FAM193B: variants seen among roughly 807,000 people sequenced by gnomAD.
FAM193B encodes family with sequence similarity 193 member B.
Under a neutral mutation model 70.7 loss-of-function variants are expected in FAM193B, and 27 were observed. The observed-to-expected ratio is 0.38, with a 90% confidence interval of 0.28 to 0.53. The LOEUF is 0.53. Among genes scored for constraint, FAM193B ranks in the 20% least tolerant of loss-of-function variants. The pLI is 0.81. For synonymous variants in FAM193B, 448 were observed against 436.0 expected (o/e 1.03, Z -0.34); for missense variants, 1,022 against 1,072.5 (o/e 0.95, Z 0.66).
intron 1 of FAM193B, among the ~76,000 whole-genome samples, chr5:177,542,171 A>C (rs1029858362): frequency 1.3e-5 from 2 of 152,260 alleles, no homozygotes; most frequent in African/African-American, 4.8e-5. Flanking sequence ...CTTATAAATT[A>C]AGTGTGTAAT....
chr5:177,540,820 G>A (rs1764763335), intron 1 of FAM193B, among the ~76,000 whole-genome samples: 1 of 152,114 alleles, frequency 6.6e-6, no homozygotes, highest in Admixed American at 6.5e-5. Flanking sequence ...CCAACACTGG[G>A]TAACATGTGT....
chr5:177,522,191 G>A, intron 7 of FAM193B, 120 bp from the exon 8 acceptor site: 1 of 751,636 alleles, frequency 1.3e-6, no homozygotes, highest in Admixed American at 2.2e-5. Flanking sequence ...AACCTCTTTG[G>A]CTCTCAGGTG....
chr5:177,532,485 C>T lies in FAM193B; in HGVS notation c.1233G>A (p.Lys411=). Residue 411 remains lysine (K), a synonymous_variant, in exon 5 of 9, where the codon AAG becomes AAA. Coordinates refer to ENST00000514747, the MANE Select transcript of FAM193B (RefSeq NM_001190946.3). The surrounding 1 kb of genome is among the most constrained non-coding windows in gnomAD (Gnocchi z 4.9). ...TSSSTHQRDG[K]FCDCCYCEFF... ...ACTCACAGTAGCAGCAGTCACAGAA[C>T]TTCCCATCTCTCTGGTGGGTGGAGG... is the stretch of plus-strand genomic sequence containing the variant. The T allele has an allele frequency of 2.5e-6, 4 of 1,612,064 alleles. 1 individual carries two copies. Among genetic ancestry groups the T allele is most frequent in the South Asian group, 2.2e-5 (2 of 90,374 alleles).
In FAM193B at chr5:177,538,840, A is replaced by G; in HGVS notation, c.453+65T>C. 6.3e-7 allele frequency: 1 copy of G among 1,591,948 alleles called. No individual in the cohort carries two copies. The highest frequency in any genetic ancestry group is 8.6e-7 in the Non-Finnish European group (1 of 1,166,452). On this transcript the variant is annotated intron_variant, in intron 2 of 8. Transcript: ENST00000514747. The surrounding 1 kb of genome is among the most constrained non-coding windows in gnomAD (Gnocchi z 4.1). ...CAAGGAGAGCCACCTGAGGACAGGG[A>G]ACAGCCTGACTTCCTTGGGGAGGAG...
At chr5:177,541,459 C>T (rs1764846078) in intron 1 of FAM193B, among the ~76,000 whole-genome samples, 1 of 152,152 alleles carries the variant, frequency 6.6e-6, no homozygotes, top group Admixed American at 6.5e-5. Flanking sequence ...CGCTCTGTCG[C>T]CCAGGCTGGA....
intron 1 of FAM193B, among the ~76,000 whole-genome samples, chr5:177,550,310 C>T (rs1766034856): frequency 6.6e-6 from 1 of 152,182 alleles, no homozygotes; most frequent in Non-Finnish European, 1.5e-5. Context: ...GGAAGTAGTG[C>T]AGGCTGGGTA....
chr5:177,526,159 G>A (rs954667430), intron 5 of FAM193B, among the ~76,000 whole-genome samples: 44 of 152,192 alleles, frequency 2.9e-4, no homozygotes, highest in African/African-American at 9.4e-4. Flanking sequence ...GTGACCCTGC[G>A]TCCCAGCAGG....
rs1414165780 is a variant in FAM193B at position 177,532,606 on chromosome 5, C to G, written c.1112G>C (p.Ser371Thr). 1 of 1,589,076 alleles carries G rather than the reference C, an allele frequency of 6.3e-7. No individual in the cohort carries two copies. The highest frequency in any genetic ancestry group is 8.5e-7 in the Non-Finnish European group (1 of 1,172,198). The stretch of plus-strand genomic sequence containing the variant: ...CTGGGGCAGCTGGCAAGCCAGGCCA[C>G]TGTGTGCAAACTTGTGCCCCTTGCA... ...PGCKGHKFAH[S>T]GLACQLPQPC... The change falls in exon 5 of 9, where the codon AGT (serine) becomes ACT (threonine). Residue 371 changes from serine to threonine, a missense_variant. Ser to Thr is a moderately conservative substitution (Grantham distance 58). Transcript: ENST00000514747. The surrounding 1 kb of genome is among the most constrained non-coding windows in gnomAD (Gnocchi z 4.9).
At position 177,536,470 on chromosome 5, in the gene FAM193B, T is replaced by C. The variant is rs1365132144; in HGVS notation, c.964A>G (p.Met322Val). 1 of 1,583,344 alleles carries C rather than the reference T, an allele frequency of 6.3e-7. No individual in the cohort carries two copies. The highest frequency in any genetic ancestry group is 2.0e-5 in the Admixed American group (1 of 51,194). Reference sequence around the variant, plus strand: ...CTGCACCCCGAGAATGGTGGGGGCATCTTCAGGAGCGGCATGCTGGTGGAG... The same window carrying C: ...CTGCACCCCGAGAATGGTGGGGGCACCTTCAGGAGCGGCATGCTGGTGGAG... ...LPSTSMPLLK[M>V]PPPFSGCSHP... Residue 322 changes from methionine (M) to valine (V), a missense_variant, in exon 4 of 9, where the codon ATG (methionine) becomes GTG (valine). Met to Val is a conservative substitution (Grantham distance 21, BLOSUM62 1). Coordinates refer to ENST00000514747, the MANE Select transcript of FAM193B (RefSeq NM_001190946.3).
chr5:177,530,403 A>AAC (rs955348014), intron 5 of FAM193B, among the ~76,000 whole-genome samples: 1 of 152,136 alleles, frequency 6.6e-6, no homozygotes, highest in Non-Finnish European at 1.5e-5. Context: ...TCACCAAGCA[A>AAC]ACACCTGGGA....
intron 1 of FAM193B, among the ~76,000 whole-genome samples, chr5:177,549,976 G>T (rs1463731553): frequency 1.3e-5 from 2 of 152,094 alleles, no homozygotes; most frequent in Admixed American, 6.6e-5. Context: ...TCTAGATGAG[G>T]TAAGTAAAGG....
Position 177,536,223 on chromosome 5 carries a change from C to T in FAM193B, c.1076+135G>A, listed in dbSNP as rs1014722453. 2.8e-6 allele frequency: 3 copies of T among 1,058,176 alleles called. No homozygotes were observed. The African/African-American group carries it at 4.8e-5, about 17-fold the overall frequency. 65.5% of individuals were successfully genotyped at this position (1,058,176 alleles called of 1,614,324 possible). Reference sequence around the variant, plus strand: ...CCACTGTGCCAGGCCAAAACACATACTTCTTTACAATTGAAAAATAATGAA... The same window carrying T: ...CCACTGTGCCAGGCCAAAACACATATTTCTTTACAATTGAAAAATAATGAA... On this transcript the variant is annotated intron_variant, in intron 4 of 8. Coordinates refer to ENST00000514747, the MANE Select transcript of FAM193B (RefSeq NM_001190946.3).
At chr5:177,554,100 C>T (rs1766709213) in intron 1 of FAM193B, 149 bp downstream of exon 1, 3 of 1,393,244 alleles carry the variant, frequency 2.2e-6, no homozygotes, top group African/African-American at 3.0e-5. Flanking sequence ...ATTCCCGCCC[C>T]GGGGGAGAAA....
At chr5:177,553,492 G>A in intron 1 of FAM193B, 1 of 1,112,460 alleles carries the variant, frequency 9.0e-7, no homozygotes, top group Non-Finnish European at 1.1e-6. Context: ...ACTTTGGCAG[G>A]GTACCTCCCG....
chr5:177,522,293 G>T, intron 7 of FAM193B: 1 of 490,556 alleles, frequency 2.0e-6, no homozygotes, highest in Non-Finnish European at 3.7e-6. Context: ...AACTGCCTTG[G>T]GATTCCAGTT....
chr5:177,530,330 C>T (rs769070926), intron 5 of FAM193B, among the ~76,000 whole-genome samples: 6 of 152,204 alleles, frequency 3.9e-5, no homozygotes, highest in Non-Finnish European at 7.4e-5. Flanking sequence ...CATGCCTCAA[C>T]TGAATTCACT....
chr5:177,540,699 C>T (rs1764750767), intron 1 of FAM193B, among the ~76,000 whole-genome samples: 1 of 152,132 alleles, frequency 6.6e-6, no homozygotes, highest in Non-Finnish European at 1.5e-5. Context: ...TGAGTGAGCC[C>T]AGCCGAGAGC....
rs975773856 is a variant in FAM193B, at chr5:177,554,400, G to A, written c.59C>T (p.Ala20Val). Residue 20 changes from alanine (A) to valine (V), a missense_variant, in exon 1 of 9, where the codon GCC (alanine) becomes GTC (valine). Ala to Val is a moderately conservative substitution (Grantham distance 64). Transcript: ENST00000514747. ...CGCCTGGGGCTTCTGCGGCCCCGCG[G>A]CCCGAGCCCGCTCGCGCCTGCCCGC... is the stretch of plus-strand genomic sequence containing the variant. Reference protein sequence around the residue: ...GGAGRRERARAAGPQKPQAPE... With the variant: ...GGAGRRERARVAGPQKPQAPE... 185 of 1,150,388 alleles carry A rather than the reference G, an allele frequency of 1.6e-4. No homozygotes were observed. The highest frequency in any genetic ancestry group is 6.7e-4 in the Admixed American group (14 of 20,818). 71.3% of individuals were successfully genotyped at this position (1,150,388 alleles called of 1,614,324 possible).
At position 177,524,685 on chromosome 5, in the gene FAM193B, A is replaced by C; in HGVS notation, c.1796T>G (p.Val599Gly). ...GGGGTAGCCCGGCTTGGGTGTCTTG[A>C]CCCAGATCACCCGGGATAGGTTGGG... ...TVPNLSRVIW[V>G]KTPKPGYPSS... Residue 599 changes from valine (V) to glycine (G), a missense_variant, in exon 6 of 9, where the codon GTC becomes GGC. Transcript: ENST00000514747. 1 of 1,606,322 alleles carries C rather than the reference A, an allele frequency of 6.2e-7. No homozygotes were observed. Among genetic ancestry groups the C allele is most frequent in the South Asian group, 1.1e-5 (1 of 90,070 alleles).
Sources: gnomAD v4.1 joint callset for allele counts (sites outside exome capture counted in the v4.1 genomes callset) on GRCh38, gnomAD v4.1.1 for gene constraint, Gnocchi (gnomAD v3.1) non-coding constraint, MANE v1.5 for transcripts, NCBI Gene and HGNC (gene_info 2026-07-23, HGNC 2026-07-21) for gene names.